TENM2: variants seen among roughly 807,000 people sequenced by gnomAD.
The protein encoded by TENM2 is teneurin transmembrane protein 2.
A neutral mutation model predicts 245.2 loss-of-function variants in TENM2; 52 were observed. The ratio of observed to expected loss-of-function variants is 0.21; its 90% CI spans 0.17 to 0.27. The LOEUF is 0.27. TENM2 is among the 10% of genes least tolerant of loss of function. The pLI, the probability that TENM2 is intolerant of heterozygous loss-of-function variation, is 1.00. For synonymous variants in TENM2, 1,363 were observed against 1,438.9 expected, an observed-to-expected ratio of 0.95 and a Z score of 1.19; for missense variants, 3,046 against 3,666.8, an observed-to-expected ratio of 0.83 and a Z score of 4.37.
At chr5:167,465,867 T>G (rs1766620310) in intron 2 of TENM2, among the ~76,000 whole-genome samples, 1 of 151,662 alleles carries the variant, frequency 6.6e-6, no homozygotes, top group Admixed American at 6.6e-5. Context: ...ATGCCCAAGG[T>G]CACAAAACTA....
At chr5:167,566,309 G>T (rs1562060492) in intron 2 of TENM2, among the ~76,000 whole-genome samples, 1 of 152,084 alleles carries the variant, frequency 6.6e-6, no homozygotes, top group Non-Finnish European at 1.5e-5. Context: ...CGTACTCTGA[G>T]ATGCACTAGA....
the TENM2 span, among the ~76,000 whole-genome samples, chr5:167,193,521 C>A: frequency 1.3e-5 from 2 of 151,956 alleles, no homozygotes; most frequent in Non-Finnish European, 1.5e-5. Context: ...TGGGGACATT[C>A]TTTTCAACAT....
chr5:167,463,616 AGCC>A (rs1458856608), intron 2 of TENM2, among the ~76,000 whole-genome samples: 1 of 151,932 alleles, frequency 6.6e-6, no homozygotes, highest in African/African-American at 2.4e-5. Context: ...CTCCTGCCTC[AGCC>A]TCCCGAGTAG....
chr5:167,485,445 A>G (rs1767998926), intron 2 of TENM2, among the ~76,000 whole-genome samples: 1 of 152,238 alleles, frequency 6.6e-6, no homozygotes, highest in Non-Finnish European at 1.5e-5. Flanking sequence ...AATGAAATTA[A>G]CGTGTCTTTA....
Position 167,991,363 on chromosome 5 carries a change from A to G in TENM2, c.948-1581A>G, listed in dbSNP as rs1246389878. ...TTGATGTGGGTACTGGGAACATAGGACGAACAAGGTACAAAATAAGACATA... is the reference window on the plus strand; with the variant it reads ...TTGATGTGGGTACTGGGAACATAGGGCGAACAAGGTACAAAATAAGACATA... On this transcript the variant is annotated intron_variant, in intron 4 of 28. Transcript: ENST00000518659. 2.6e-5 allele frequency among the ~76,000 whole-genome samples: 4 copies of G among 152,210 alleles called. No individual in the cohort carries two copies. In the East Asian group the frequency reaches 7.7e-4, roughly 29 times the overall value.
the TENM2 span, among the ~76,000 whole-genome samples, chr5:167,139,207 T>C: frequency 6.6e-6 from 1 of 152,240 alleles, no homozygotes; most frequent in African/African-American, 2.4e-5. Flanking sequence ...ATTTCAATGA[T>C]CCTGCACGTT....
chr5:167,411,571 A>AGTGT (rs1172692589), intron 2 of TENM2, among the ~76,000 whole-genome samples: 2 of 101,076 alleles, frequency 2.0e-5, no homozygotes, highest in Non-Finnish European at 4.3e-5. Flanking sequence ...TATGTAGGTG[A>AGTGT]GAGTGTGTGT....
chr5:167,194,829 G>A, the TENM2 span, among the ~76,000 whole-genome samples: 1 of 151,992 alleles, frequency 6.6e-6, no homozygotes, highest in Non-Finnish European at 1.5e-5. Flanking sequence ...AACCTCGGAA[G>A]GATGGATGCT....
chr5:167,662,037 A>G (rs1404896975), intron 2 of TENM2, among the ~76,000 whole-genome samples: 2 of 152,184 alleles, frequency 1.3e-5, no homozygotes, highest in East Asian at 3.9e-4. Flanking sequence ...GTTTCTATCT[A>G]TGGAGTAGGC....
intron 2 of TENM2, among the ~76,000 whole-genome samples, chr5:167,806,453 T>A (rs1195433004): frequency 1.3e-5 from 2 of 152,092 alleles, no homozygotes; most frequent in Non-Finnish European, 2.9e-5. Context: ...GCTTCAGACA[T>A]GTTAGATTTC....
intron 4 of TENM2, among the ~76,000 whole-genome samples, chr5:167,982,511 G>A (rs767406332): frequency 2.6e-5 from 4 of 152,086 alleles, no homozygotes; most frequent in South Asian, 2.1e-4. Flanking sequence ...CTGTGTTCTC[G>A]GATTGTATTC....
the TENM2 span, among the ~76,000 whole-genome samples, chr5:167,168,869 C>T: frequency 6.6e-6 from 1 of 152,174 alleles, no homozygotes; most frequent in African/African-American, 2.4e-5. Flanking sequence ...AAGCGATTCT[C>T]CTGCCTCAGC....
At chr5:167,940,290 T>C (rs1374535179) in intron 3 of TENM2, among the ~76,000 whole-genome samples, 1 of 152,210 alleles carries the variant, frequency 6.6e-6, no homozygotes, top group African/African-American at 2.4e-5. Context: ...TTCGGTCATT[T>C]GTTCAACAAC....
At chr5:167,203,503 A>T in the TENM2 span, among the ~76,000 whole-genome samples, 1 of 152,214 alleles carries the variant, frequency 6.6e-6, no homozygotes, top group Non-Finnish European at 1.5e-5. Flanking sequence ...TCCTGTCCCC[A>T]GACTGAAGCA....
the TENM2 span, among the ~76,000 whole-genome samples, chr5:167,210,064 G>A: frequency 2.6e-5 from 4 of 152,298 alleles, no homozygotes; most frequent in African/African-American, 7.2e-5. Flanking sequence ...AGAATTCAGG[G>A]CTAATTTTAT....
At position 167,369,552 on chromosome 5, in the gene TENM2, G is replaced by T. The variant is rs188347876; in HGVS notation, c.227-5646G>T. ...GGCACCATATTACTTTCTGCTATCA[G>T]CAAGTAATTAATTACTTAGACGTTG... On this transcript the variant is annotated intron_variant, in intron 1 of 28. Coordinates refer to ENST00000518659, the Ensembl canonical transcript of TENM2. Among the ~76,000 whole-genome samples, 4 of 152,054 alleles carry T rather than the reference G, an allele frequency of 2.6e-5. No homozygotes were observed. In the East Asian group the frequency reaches 7.8e-4, roughly 29 times the overall value.
At chr5:167,340,223 G>T (rs1282109219) in intron 1 of TENM2, among the ~76,000 whole-genome samples, 2 of 152,024 alleles carry the variant, frequency 1.3e-5, no homozygotes, top group African/African-American at 4.8e-5. Flanking sequence ...TTTCTATAAT[G>T]CACCTCAAAG....
At chr5:167,004,923 T>C in the TENM2 span, among the ~76,000 whole-genome samples, 1 of 152,178 alleles carries the variant, frequency 6.6e-6, no homozygotes, top group Non-Finnish European at 1.5e-5. Flanking sequence ...ACCCAGGACT[T>C]ACCTTTGAAC....
intron 13 of TENM2, among the ~76,000 whole-genome samples, chr5:168,164,092 G>A (rs1581502909): frequency 6.6e-6 from 1 of 152,184 alleles, no homozygotes; most frequent in Non-Finnish European, 1.5e-5. Context: ...GTGAGCTTTT[G>A]TTACATTCCA....
Sources: allele counts gnomAD v4.1 joint callset (sites outside exome capture counted in the v4.1 genomes callset), GRCh38; gene constraint gnomAD v4.1.1; transcripts MANE v1.5; gene names NCBI Gene and HGNC (gene_info 2026-07-23, HGNC 2026-07-21).